The following KIF13B variants were observed in gnomAD, a reference collection of about 807,000 sequenced individuals.
The protein encoded by KIF13B is kinesin family member 13B.
Under a neutral mutation model 222.0 loss-of-function variants are expected in KIF13B, and 127 were observed. The ratio of observed to expected loss-of-function variants is 0.57; its 90% CI spans 0.50 to 0.66. The LOEUF (loss-of-function observed/expected upper bound fraction) is 0.66, where lower values mean the gene tolerates loss of function less well. KIF13B is among the 30% of genes least tolerant of loss of function. The probability of loss-of-function intolerance (pLI) is 0.00; values close to 1 mark genes in which losing one functional copy is unlikely to be tolerated. For missense variants in KIF13B, 2,173 were observed against 2,379.0 expected (o/e 0.91, Z 1.80); for synonymous variants, 976 against 919.0 (o/e 1.06, Z -1.12).
At chr8:29,145,072 G>A (rs564312460) in intron 18 of KIF13B, among the ~76,000 whole-genome samples, 81 of 152,250 alleles carry the variant, frequency 5.3e-4, no homozygotes, top group African/African-American at 2.0e-3. Flanking sequence ...GAGAAACTAG[G>A]CCCTGAACCT....
Position 29,263,044 on chromosome 8 carries a change from G to T in KIF13B, c.-10C>A. The T allele has an allele frequency of 6.3e-7, 1 of 1,588,332 alleles. No individual in the cohort carries two copies. Among genetic ancestry groups the T allele is most frequent in the Non-Finnish European group, 8.6e-7 (1 of 1,169,100 alleles). On this transcript the variant is annotated 5_prime_UTR_variant, in exon 1 of 40. Transcript: ENST00000524189. ...CTTTGGAGTCCCCCATCCTGCAGCCGCCGAGGAACTCGTTCGGCTTCCGTC... is the reference window on the plus strand; with the variant it reads ...CTTTGGAGTCCCCCATCCTGCAGCCTCCGAGGAACTCGTTCGGCTTCCGTC...
chr8:29,102,284 A>G (rs190727287), intron 35 of KIF13B, among the ~76,000 whole-genome samples: 34 of 152,234 alleles, frequency 2.2e-4, no homozygotes, highest in Middle Eastern at 3.4e-3. Flanking sequence ...TCCACCTGAA[A>G]TCGAAAAAGA....
Position 29,092,787 on chromosome 8 carries a change from G to A in KIF13B, c.4416C>T (p.Arg1472=), listed in dbSNP as rs373781326. 6.8e-6 allele frequency: 11 copies of A among 1,613,452 alleles called. No individual in the cohort carries two copies. The highest frequency in any genetic ancestry group is 2.2e-5 in the East Asian group (1 of 44,872). The stretch of plus-strand genomic sequence containing the variant: ...ACGGCCGCTTGCCCCTCTTCTCATC[G>A]CGGACGGGAAAGAGAGACTTGAGGA... ...PKLLKSLFPV[R]DEKRGKRPSP... is the part of the protein sequence containing the mutation. Residue 1472 remains arginine (R), a synonymous_variant, in exon 37 of 40, where the codon CGC becomes CGT. Transcript: ENST00000524189.
At chr8:29,140,990 A>G (rs980580046) in intron 19 of KIF13B, among the ~76,000 whole-genome samples, 1 of 152,200 alleles carries the variant, frequency 6.6e-6, no homozygotes, top group Non-Finnish European at 1.5e-5. Flanking sequence ...TTCTTTTGGG[A>G]AAGACAGTAA....
chr8:29,167,268 T>C (rs1812044716), intron 11 of KIF13B, 105 bp downstream of exon 11: 3 of 887,894 alleles, frequency 3.4e-6, no homozygotes, highest in Non-Finnish European at 5.2e-6. Flanking sequence ...AATTCGCAAA[T>C]TTTAAGTAGA....
chr8:29,096,135 C>T (rs112577477), intron 36 of KIF13B, among the ~76,000 whole-genome samples: 2,416 of 151,790 alleles, frequency 0.016, 68 homozygotes, highest in African/African-American at 0.056. Context: ...GTACCTGCCA[C>T]CACACCTGGC....
intron 2 of KIF13B, among the ~76,000 whole-genome samples, chr8:29,227,010 G>A (rs1815056329): frequency 6.6e-6 from 1 of 152,136 alleles, no homozygotes; most frequent in Admixed American, 6.5e-5. Context: ...TTAATTGGAA[G>A]GCAAAGTACT....
At chr8:29,258,328 C>A (rs1216576244) in intron 1 of KIF13B, among the ~76,000 whole-genome samples, 3 of 152,178 alleles carry the variant, frequency 2.0e-5, no homozygotes. Flanking sequence ...TTTCAGCAAG[C>A]GCTTTTAAAT....
intron 3 of KIF13B, among the ~76,000 whole-genome samples, chr8:29,193,113 A>G (rs1177531654): frequency 6.6e-6 from 1 of 152,126 alleles, no homozygotes; most frequent in African/African-American, 2.4e-5. Context: ...CAGGGGAGAC[A>G]CCTGTTCCCT....
chr8:29,227,980 G>A (rs1052240034), intron 2 of KIF13B, among the ~76,000 whole-genome samples: 2 of 151,438 alleles, frequency 1.3e-5, no homozygotes, highest in Non-Finnish European at 2.9e-5. Context: ...TCTAGAAGCT[G>A]TGTTTAGCGC....
intron 2 of KIF13B, among the ~76,000 whole-genome samples, chr8:29,236,931 A>G (rs1342536755): frequency 6.7e-6 from 1 of 149,914 alleles, no homozygotes; most frequent in African/African-American, 2.5e-5. Flanking sequence ...GCTTTTTTTT[A>G]CTAGTATGCT....
In KIF13B at chr8:29,165,650, G is replaced by A. The variant is rs753989402; in HGVS notation, c.1269+12C>T. 1.9e-6 allele frequency: 3 copies of A among 1,558,926 alleles called. No individual in the cohort carries two copies. The highest frequency in any genetic ancestry group is 2.7e-6 in the Non-Finnish European group (3 of 1,130,080). ...TGAGGTTTCATGCGCTTCATCATCA[G>A]GAAACACGAACCTGTGCAATCTCCT... On this transcript the variant is annotated intron_variant, in intron 12 of 39. Transcript: ENST00000524189.
At chr8:29,216,838 AGGCTAAGCTGT>A (rs372222546) in intron 2 of KIF13B, among the ~76,000 whole-genome samples, 1 of 152,252 alleles carries the variant, frequency 6.6e-6, no homozygotes, top group East Asian at 1.9e-4. Flanking sequence ...TATGTGACTA[AGGCTAAGCTGT>A]GGCGCAGGGC....
At chr8:29,085,702 CTTCTTTT>C (rs1180638644) in intron 37 of KIF13B, among the ~76,000 whole-genome samples, 25 of 85,936 alleles carry the variant, frequency 2.9e-4, no homozygotes, top group Non-Finnish European at 4.7e-4. Context: ...CAGAAATACT[CTTCTTTT>C]TTTTTTTTTT....
rs151317096 is a variant in KIF13B at position 29,110,125 on chromosome 8, G to A, written c.3931-55C>T. The A allele has an allele frequency of 2.7e-4, 369 of 1,360,732 alleles. No individual in the cohort carries two copies. In the African/African-American group the frequency reaches 3.7e-3, roughly 13 times the overall value. The allele number at this position is 1,360,732 out of a possible 1,614,324, so 84.3% of individuals were successfully genotyped here. ...AGCTTCTTGATGTACACACACACAC[G>A]TACACGCGTGCACACACAGACACAC... is the stretch of plus-strand genomic sequence containing the variant. On this transcript the variant is annotated intron_variant, in intron 32 of 39. Coordinates refer to ENST00000524189, the MANE Select transcript of KIF13B (RefSeq NM_015254.4).
At chr8:29,262,312 T>C (rs943988359) in intron 1 of KIF13B, among the ~76,000 whole-genome samples, 1 of 152,230 alleles carries the variant, frequency 6.6e-6, no homozygotes, top group Non-Finnish European at 1.5e-5. Context: ...CTTGGCACTT[T>C]AGCTATTTAT....
intron 1 of KIF13B, chr8:29,249,938 G>T: frequency 2.4e-6 from 2 of 833,076 alleles, no homozygotes; most frequent in Non-Finnish European, 3.5e-6. Context: ...AATGCTGCAA[G>T]AAAGTCTCAG....
intron 1 of KIF13B, among the ~76,000 whole-genome samples, chr8:29,246,447 A>C (rs924724141): frequency 1.3e-5 from 2 of 152,088 alleles, no homozygotes; most frequent in African/African-American, 4.8e-5. Context: ...AAAAAAAAAA[A>C]AACTTTTTAA....
chr8:29,220,233 T>G (rs1377125281), intron 2 of KIF13B, among the ~76,000 whole-genome samples: 1 of 152,204 alleles, frequency 6.6e-6, no homozygotes, highest in Non-Finnish European at 1.5e-5. Flanking sequence ...TCTTCTTTTG[T>G]ATAGTTAATG....
Sources: gnomAD v4.1 joint callset for allele counts (sites outside exome capture counted in the v4.1 genomes callset) on GRCh38, gnomAD v4.1.1 for gene constraint, MANE v1.5 for transcripts, NCBI Gene and HGNC (gene_info 2026-07-23, HGNC 2026-07-21) for gene names.